Variants in LIPC observed in about 807,000 individuals in gnomAD.
LIPC encodes hepatic triacylglycerol lipase.
Under a neutral mutation model 50.7 loss-of-function variants are expected in LIPC, and 44 were observed. The ratio of observed to expected loss-of-function variants is 0.87; its 90% CI spans 0.68 to 1.11. LIPC has a LOEUF of 1.11. Ranked by LOEUF, LIPC falls within the 50% of genes most tolerant of loss-of-function variation. The pLI, the probability that LIPC is intolerant of heterozygous loss-of-function variation, is 0.00. For missense variants in LIPC, 697 were observed against 648.2 expected, an observed-to-expected ratio of 1.08 and a Z score of -0.82; for synonymous variants, 271 against 256.4, an observed-to-expected ratio of 1.06 and a Z score of -0.54.
chr15:58,490,954 GC>G (rs1330754569), intron 1 of LIPC, among the ~76,000 whole-genome samples: 2 of 152,192 alleles, frequency 1.3e-5, no homozygotes, highest in South Asian at 2.1e-4. Context: ...TAAGGAAAGA[GC>G]GAGCCCATTA....
intron 1 of LIPC, among the ~76,000 whole-genome samples, chr15:58,513,153 G>C (rs538236709): frequency 2.0e-5 from 3 of 152,228 alleles, no homozygotes; most frequent in Admixed American, 6.5e-5. Context: ...CTGGAATCAA[G>C]GGTTCATTTA....
At chr15:58,519,425 G>GA (rs1361253933) in intron 1 of LIPC, among the ~76,000 whole-genome samples, 7 of 121,112 alleles carry the variant, frequency 5.8e-5, no homozygotes, top group South Asian at 2.8e-4. Flanking sequence ...AAAAAAAAAA[G>GA]AAAAAAAAGA....
At chr15:58,519,358 C>G (rs1459570717) in intron 1 of LIPC, among the ~76,000 whole-genome samples, 1 of 151,006 alleles carries the variant, frequency 6.6e-6, no homozygotes, top group African/African-American at 2.4e-5. Flanking sequence ...TTGCAGTGAG[C>G]CGAGATTGTG....
chr15:58,471,107 G>C (rs555617567), intron 1 of LIPC, among the ~76,000 whole-genome samples: 62 of 149,934 alleles, frequency 4.1e-4, no homozygotes, highest in Non-Finnish European at 6.8e-4. Flanking sequence ...GCCAGAGATG[G>C]TAAGTAGGAT....
intron 1 of LIPC, among the ~76,000 whole-genome samples, chr15:58,496,550 G>T (rs1355595703): frequency 6.6e-6 from 1 of 152,086 alleles, no homozygotes; most frequent in Non-Finnish European, 1.5e-5. Flanking sequence ...GGCAGGCAAA[G>T]AAAGTCCAAC....
chr15:58,552,557 C>T (rs1385975736), intron 6 of LIPC, among the ~76,000 whole-genome samples: 1 of 152,222 alleles, frequency 6.6e-6, no homozygotes, highest in Non-Finnish European at 1.5e-5. Flanking sequence ...TCACCCACGG[C>T]CCTGCACTCC....
chr15:58,552,810 C>T (rs1893811910), intron 6 of LIPC, among the ~76,000 whole-genome samples: 1 of 152,208 alleles, frequency 6.6e-6, no homozygotes, highest in African/African-American at 2.4e-5. Flanking sequence ...TGTCAAGAAT[C>T]TTGGCCTTGC....
chr15:58,448,244 C>A (rs79119207), intron 1 of LIPC, among the ~76,000 whole-genome samples: 1,859 of 152,276 alleles, frequency 0.012, 17 homozygotes, highest in Non-Finnish European at 0.02. Context: ...CTTCAAGTCC[C>A]TTCCTGTCTG....
At chr15:58,565,552 T>G in intron 8 of LIPC, 1 of 1,224,044 alleles carries the variant, frequency 8.2e-7, no homozygotes, top group Non-Finnish European at 1.0e-6. Context: ...CTGAAATGGG[T>G]AGTATTGGCT....
intron 1 of LIPC, among the ~76,000 whole-genome samples, chr15:58,440,975 C>T (rs956195092): frequency 6.6e-6 from 1 of 152,192 alleles, no homozygotes; most frequent in Non-Finnish European, 1.5e-5. Flanking sequence ...GTTTTGTCCT[C>T]ATCCTGGAGG....
chr15:58,524,444 G>A (rs747400183), intron 1 of LIPC, among the ~76,000 whole-genome samples: 2 of 152,224 alleles, frequency 1.3e-5, no homozygotes, highest in Non-Finnish European at 2.9e-5. Context: ...TATAGCCACA[G>A]GGTAGAGTCC....
At chr15:58,543,913 G>A (rs1462792570) in intron 4 of LIPC, among the ~76,000 whole-genome samples, 7 of 152,114 alleles carry the variant, frequency 4.6e-5, no homozygotes, top group East Asian at 1.9e-4. Flanking sequence ...GAGCCACCAC[G>A]GCCGGCCATG....
intron 1 of LIPC, among the ~76,000 whole-genome samples, chr15:58,459,839 A>G (rs1894276131): frequency 6.6e-6 from 1 of 152,084 alleles, no homozygotes; most frequent in Non-Finnish European, 1.5e-5. Flanking sequence ...AGCCCTGGGC[A>G]CTCCTCTCAG....
rs1566942009 is a variant in LIPC, at chr15:58,535,383, C to T, written c.89-2950C>T. 2.0e-5 allele frequency among the ~76,000 whole-genome samples: 3 copies of T among 152,198 alleles called. No individual in the cohort carries two copies. In the South Asian group the frequency reaches 6.2e-4, roughly 32 times the overall value. ...GCACATACCTGTATACAGTATACAGCTTCCTCGCTCATACACATGTTAAAG... is the reference window on the plus strand; with the variant it reads ...GCACATACCTGTATACAGTATACAGTTTCCTCGCTCATACACATGTTAAAG... On this transcript the variant is annotated intron_variant, in intron 1 of 8. Transcript: ENST00000299022.
chr15:58,565,088 T>A (rs1894315042), intron 8 of LIPC: 1 of 1,034,590 alleles, frequency 9.7e-7, no homozygotes, highest in Admixed American at 2.1e-5. Flanking sequence ...TGCCCCTGAG[T>A]CCCTTTATAC....
intron 1 of LIPC, among the ~76,000 whole-genome samples, chr15:58,518,869 T>C (rs982773514): frequency 6.6e-6 from 1 of 151,626 alleles, no homozygotes; most frequent in Non-Finnish European, 1.5e-5. Context: ...ATGGTGGTGG[T>C]GGTTACGGTG....
intron 1 of LIPC, among the ~76,000 whole-genome samples, chr15:58,446,854 G>A (rs1263807136): frequency 2.0e-5 from 3 of 152,138 alleles, no homozygotes; most frequent in East Asian, 1.9e-4. Flanking sequence ...TTTAAAAAGT[G>A]AGTGAGTTTT....
chr15:58,482,042 G>A (rs115037736), intron 1 of LIPC, among the ~76,000 whole-genome samples: 2,458 of 152,220 alleles, frequency 0.016, 60 homozygotes, highest in African/African-American at 0.054. Flanking sequence ...CACTATATTC[G>A]GTATTCTCAT....
chr15:58,480,788 C>A (rs1891159058), intron 1 of LIPC, among the ~76,000 whole-genome samples: 1 of 152,152 alleles, frequency 6.6e-6, no homozygotes, highest in Admixed American at 6.5e-5. Context: ...CAAGACAATT[C>A]TTCTTCCAAT....
Sources: allele counts gnomAD v4.1 joint callset (sites outside exome capture counted in the v4.1 genomes callset), GRCh38; gene constraint gnomAD v4.1.1; transcripts MANE v1.5; gene names NCBI Gene and HGNC (gene_info 2026-07-23, HGNC 2026-07-21).